NTN1: variants seen among roughly 807,000 people sequenced by gnomAD.
NTN1 encodes the protein netrin 1.
A neutral mutation model predicts 54.2 loss-of-function variants in NTN1; 11 were observed. That is an observed-to-expected ratio of 0.20 (90% confidence interval 0.13 to 0.34). NTN1 has a LOEUF of 0.34. Among genes scored for constraint, NTN1 ranks in the 10% least tolerant of loss-of-function variants. The pLI, the probability that NTN1 is intolerant of heterozygous loss-of-function variation, is 1.00. For missense variants in NTN1, 740 were observed against 893.1 expected (o/e 0.83, Z 2.18); for synonymous variants, 371 against 382.0 (o/e 0.97, Z 0.33).
At chr17:9,167,210 C>T (rs143981722) in intron 3 of NTN1, among the ~76,000 whole-genome samples, 57 of 152,254 alleles carry the variant, frequency 3.7e-4, no homozygotes, top group African/African-American at 1.0e-3. Context: ...CCCTTTTCTC[C>T]GCTGAATGGT....
upstream of NTN1, among the ~76,000 whole-genome samples, chr17:9,016,971 A>T (rs2091833277): frequency 6.6e-6 from 1 of 152,164 alleles, no homozygotes; most frequent in Non-Finnish European, 1.5e-5. Flanking sequence ...AATGACCTCA[A>T]GCCTCCAGTG....
chr17:9,025,875 A>G (rs1226302672), intron 2 of NTN1, among the ~76,000 whole-genome samples: 3 of 152,242 alleles, frequency 2.0e-5, no homozygotes, highest in Non-Finnish European at 4.4e-5. Flanking sequence ...GCATTAATAA[A>G]TCCTTCAAAA....
At chr17:9,220,532 G>A (rs1905309701) in intron 5 of NTN1, among the ~76,000 whole-genome samples, 2 of 152,120 alleles carry the variant, frequency 1.3e-5, no homozygotes, top group African/African-American at 4.8e-5. Context: ...CTTGGCTCTC[G>A]GTTGGGCCCT....
chr17:9,152,346 T>A (rs2092330215), intron 2 of NTN1, among the ~76,000 whole-genome samples: 3 of 152,246 alleles, frequency 2.0e-5, no homozygotes, highest in East Asian at 3.9e-4. Flanking sequence ...CCCAAAATAG[T>A]TTCCTCTGCC....
chr17:9,159,046 G>C (rs1027700728), intron 2 of NTN1, among the ~76,000 whole-genome samples: 1 of 152,158 alleles, frequency 6.6e-6, no homozygotes, highest in Non-Finnish European at 1.5e-5. Context: ...CATAACATCA[G>C]AGAGAAAAAT....
rs113122856 is a variant in NTN1, at chr17:9,240,141, A to G, written c.*173A>G. On this transcript the variant is annotated 3_prime_UTR_variant, in exon 7 of 7. Transcript: ENST00000173229. ...GGGACCCTCGGCGGCCCCTCCCCCT[A>G]CCCCCACCCTGCGCGCTCTGGGCGG... The G allele has an allele frequency of 0.13, 31,941 of 251,844 alleles. 2,593 individuals are homozygous for G. Among genetic ancestry groups the G allele is most frequent in the East Asian group, 0.15 (910 of 5,916 alleles). The allele number at this position is 251,844 out of a possible 1,614,324, so 15.6% of individuals were successfully genotyped here. A position where few individuals can be genotyped will look rare whatever the true frequency, so the allele number is the denominator to read the frequency against.
intron 6 of NTN1, among the ~76,000 whole-genome samples, chr17:9,226,138 A>C (rs891704177): frequency 7.8e-6 from 1 of 128,056 alleles, no homozygotes; most frequent in African/African-American, 2.9e-5. Context: ...TAAGGGCACG[A>C]AGCAAGGCAA....
At chr17:9,233,725 A>G (rs1219449428) in intron 6 of NTN1, among the ~76,000 whole-genome samples, 1 of 151,954 alleles carries the variant, frequency 6.6e-6, no homozygotes, top group East Asian at 1.9e-4. Flanking sequence ...ATGGGTCAAC[A>G]TTGGGACTCT....
chr17:9,196,611 G>A (rs1904641128), intron 5 of NTN1, among the ~76,000 whole-genome samples: 1 of 152,268 alleles, frequency 6.6e-6, no homozygotes, highest in South Asian at 2.1e-4. Flanking sequence ...AGGGCTTCAG[G>A]CTTCAGTAAG....
chr17:9,122,189 C>T (rs1162126263), intron 2 of NTN1, among the ~76,000 whole-genome samples: 1 of 152,182 alleles, frequency 6.6e-6, no homozygotes, highest in Non-Finnish European at 1.5e-5. Flanking sequence ...AGGTGCCCGC[C>T]ACCACACCCA....
At chr17:9,202,432 C>T (rs80349735) in intron 5 of NTN1, among the ~76,000 whole-genome samples, 108 of 152,274 alleles carry the variant, frequency 7.1e-4, no homozygotes, top group African/African-American at 2.6e-3. Flanking sequence ...TCTGCTAGCA[C>T]CTTCCACACA....
intron 3 of NTN1, chr17:9,171,352 T>TC (rs2092386747): frequency 6.6e-6 from 1 of 152,164 alleles, no homozygotes; most frequent in South Asian, 2.1e-4. Flanking sequence ...TGCCCCCCTC[T>TC]CCCCACCAGG....
At chr17:9,213,970 T>C (rs1050177136) in intron 5 of NTN1, among the ~76,000 whole-genome samples, 2 of 152,196 alleles carry the variant, frequency 1.3e-5, no homozygotes, top group Non-Finnish European at 2.9e-5. Context: ...TTCCGTTTTC[T>C]TTCTTTTATT....
rs999834514 is a variant in NTN1, at chr17:9,243,262, G to GTCACAACCCAGGGAGGGAGGGTCA, written c.*3295_*3318dup. 3 of 151,734 alleles carry GTCACAACCCAGGGAGGGAGGGTCA rather than the reference G, an allele frequency of 2.0e-5. No individual in the cohort carries two copies. The highest frequency in any genetic ancestry group is 4.4e-5 in the Non-Finnish European group (3 of 67,850). 9.4% of individuals were successfully genotyped at this position (151,734 alleles called of 1,614,324 possible). On this transcript the variant is annotated 3_prime_UTR_variant, in exon 7 of 7. Transcript: ENST00000173229. ...TATGTGGGAGGGAGGGACACCTGGG[G>GTCACAACCCAGGGAGGGAGGGTCA]TCACAACCCAGGGAGGGAGGGTCAC... is the stretch of plus-strand genomic sequence containing the variant.
chr17:9,026,003 C>T lies in NTN1; in HGVS notation c.1018+2612C>T, dbSNP rs535611518. 3.3e-5 allele frequency among the ~76,000 whole-genome samples: 5 copies of T among 152,206 alleles called. No homozygotes were observed. In the East Asian group the frequency reaches 9.7e-4, roughly 29 times the overall value. Reference sequence around the variant, plus strand: ...AGAGTATTTACAACTATGGCAAAGTCAAGAAGTATATATTTTTTAATTCCC... The same window carrying T: ...AGAGTATTTACAACTATGGCAAAGTTAAGAAGTATATATTTTTTAATTCCC... On this transcript the variant is annotated intron_variant, in intron 2 of 6. Coordinates refer to ENST00000173229, the MANE Select transcript of NTN1 (RefSeq NM_004822.3).
At chr17:9,113,019 A>ATTTTTTT (rs398058563) in intron 2 of NTN1, among the ~76,000 whole-genome samples, 1 of 141,938 alleles carries the variant, frequency 7.0e-6, no homozygotes, top group Non-Finnish European at 1.5e-5. Context: ...TGTATACAGA[A>ATTTTTTT]TTTTTTTTAT....
chr17:9,182,842 T>A, intron 4 of NTN1, 74 bp from the exon 5 acceptor site: 1 of 1,503,852 alleles, frequency 6.6e-7, no homozygotes, highest in Non-Finnish European at 9.3e-7. Context: ...CTGGGCTCAT[T>A]CTAAAGTCAA....
chr17:9,174,804 C>T (rs2092395756), intron 3 of NTN1: 1 of 152,414 alleles, frequency 6.6e-6, no homozygotes, highest in Non-Finnish European at 1.5e-5. Flanking sequence ...ACAGTTTAGC[C>T]CATAGCACAA....
chr17:9,175,424 C>T (rs2092397516), intron 3 of NTN1: 1 of 152,396 alleles, frequency 6.6e-6, no homozygotes. Context: ...AACAGGAGCC[C>T]TTTCCCCTGC....
Sources: gnomAD v4.1 joint callset for allele counts (sites outside exome capture counted in the v4.1 genomes callset) on GRCh38, gnomAD v4.1.1 for gene constraint, MANE v1.5 for transcripts, NCBI Gene and HGNC (gene_info 2026-07-23, HGNC 2026-07-21) for gene names.